The following NKAIN1 variants were observed in gnomAD, a reference collection of about 807,000 sequenced individuals.
The protein encoded by NKAIN1 is sodium/potassium transporting ATPase interacting 1.
Under a neutral mutation model 31.6 loss-of-function variants are expected in NKAIN1, and 13 were observed. The observed-to-expected ratio is 0.41, with a 90% confidence interval of 0.27 to 0.65. NKAIN1 has a LOEUF of 0.65. Ranked by LOEUF, NKAIN1 falls within the 30% of genes least tolerant of loss-of-function variation. NKAIN1 has a pLI of 0.30. For synonymous variants in NKAIN1, 104 were observed against 109.0 expected, an observed-to-expected ratio of 0.95 and a Z score of 0.28; for missense variants, 193 against 262.2, an observed-to-expected ratio of 0.74 and a Z score of 1.82.
chr1:31,205,402 G>A lies in NKAIN1; in HGVS notation c.55-17215C>T, dbSNP rs141425630. 4.0e-3 allele frequency among the ~76,000 whole-genome samples: 607 copies of A among 152,114 alleles called. 3 individuals are homozygous for A. The highest frequency in any genetic ancestry group is 0.014 in the African/African-American group (577 of 41,498). ...CGGCTTACCACAACTTCTGCCTTCT[G>A]GGTTCAAGCCGTTCTCCTGCTTTAG... is the stretch of plus-strand genomic sequence containing the variant. On this transcript the variant is annotated intron_variant, in intron 1 of 6. Transcript: ENST00000373736.
intron 1 of NKAIN1, among the ~76,000 whole-genome samples, chr1:31,224,002 C>T (rs1354947319): frequency 6.6e-6 from 1 of 152,228 alleles, no homozygotes; most frequent in Non-Finnish European, 1.5e-5. Flanking sequence ...TCTACTCTAA[C>T]TCAGTATGCA....
intron 1 of NKAIN1, among the ~76,000 whole-genome samples, chr1:31,204,524 G>A (rs960018455): frequency 8.5e-5 from 13 of 152,152 alleles, no homozygotes; most frequent in Admixed American, 2.0e-4. Context: ...GCTCTGGAGT[G>A]GGCAGCCAAG....
At chr1:31,237,188 C>A (rs1480643876) in intron 1 of NKAIN1, among the ~76,000 whole-genome samples, 1 of 152,158 alleles carries the variant, frequency 6.6e-6, no homozygotes, top group Admixed American at 6.5e-5. Flanking sequence ...GAGGTCAAGG[C>A]TGTAGTGAGC....
At chr1:31,189,079 A>C (rs1645266718) in intron 1 of NKAIN1, among the ~76,000 whole-genome samples, 1 of 151,972 alleles carries the variant, frequency 6.6e-6, no homozygotes, top group Non-Finnish European at 1.5e-5. Context: ...CACTTATAAC[A>C]AGACCACCTT....
chr1:31,194,168 C>T (rs1010437538), intron 1 of NKAIN1, among the ~76,000 whole-genome samples: 3 of 152,126 alleles, frequency 2.0e-5, no homozygotes, highest in African/African-American at 4.8e-5. Flanking sequence ...AAATACAAAT[C>T]TCATCCCAGC....
chr1:31,219,728 C>T (rs2148363143), intron 1 of NKAIN1, among the ~76,000 whole-genome samples: 1 of 152,306 alleles, frequency 6.6e-6, no homozygotes, highest in East Asian at 1.9e-4. Flanking sequence ...TGCCTAGACT[C>T]CAGGAGTAGC....
chr1:31,193,492 C>T (rs921172565), intron 1 of NKAIN1, among the ~76,000 whole-genome samples: 4 of 151,878 alleles, frequency 2.6e-5, no homozygotes, highest in Admixed American at 6.6e-5. Context: ...GTCAGGAGTT[C>T]GAGATCAGCC....
At chr1:31,215,527 C>T (rs183421626) in intron 1 of NKAIN1, among the ~76,000 whole-genome samples, 1 of 152,314 alleles carries the variant, frequency 6.6e-6, no homozygotes, top group Admixed American at 6.5e-5. Context: ...TGGTGTCCTT[C>T]CCTGGCACTG....
In NKAIN1 at chr1:31,183,429, A is replaced by G. The variant is rs565252101; in HGVS notation, c.471+388T>C. 2.0e-3 allele frequency among the ~76,000 whole-genome samples: 239 copies of G among 119,932 alleles called. 2 individuals are homozygous for G. Among genetic ancestry groups the G allele is most frequent in the African/African-American group, 8.7e-3 (231 of 26,686 alleles). 78.7% of individuals were successfully genotyped at this position (119,932 alleles called of 152,430 possible). On this transcript the variant is annotated intron_variant, in intron 4 of 6. Coordinates refer to ENST00000373736, the MANE Select transcript of NKAIN1 (RefSeq NM_024522.3). The stretch of plus-strand genomic sequence containing the variant: ...ACAGACAGGCGGAAGACCTAGGTTC[A>G]TTCCCTCTTTTTTTTTTTTTTTTTT...
chr1:31,227,639 G>C (rs570975579), intron 1 of NKAIN1, among the ~76,000 whole-genome samples: 1 of 132,230 alleles, frequency 7.6e-6, no homozygotes, highest in East Asian at 2.3e-4. Flanking sequence ...AGAGGGCCAA[G>C]GACTTGCCCA....
At chr1:31,185,383 T>G in intron 2 of NKAIN1, 56 bp from the exon 3 acceptor site, 1 of 1,402,384 alleles carries the variant, frequency 7.1e-7, no homozygotes, top group South Asian at 1.2e-5. Context: ...GGATGGGGAG[T>G]GTCAATGGAG....
At chr1:31,215,654 G>A (rs1645506347) in intron 1 of NKAIN1, among the ~76,000 whole-genome samples, 1 of 152,078 alleles carries the variant, frequency 6.6e-6, no homozygotes, top group Non-Finnish European at 1.5e-5. Context: ...CCCTTTCCTG[G>A]TAATCCATCG....
At chr1:31,220,874 C>T (rs1645559828) in intron 1 of NKAIN1, among the ~76,000 whole-genome samples, 1 of 151,730 alleles carries the variant, frequency 6.6e-6, no homozygotes, top group Non-Finnish European at 1.5e-5. Flanking sequence ...TTCATTCAAG[C>T]ATCACACATT....
At chr1:31,194,598 G>A (rs1161700054) in intron 1 of NKAIN1, among the ~76,000 whole-genome samples, 5 of 150,954 alleles carry the variant, frequency 3.3e-5, no homozygotes, top group African/African-American at 1.2e-4. Flanking sequence ...GTAGAGACGG[G>A]GTTTCTCCAT....
chr1:31,198,918 C>A (rs1214431881), intron 1 of NKAIN1, among the ~76,000 whole-genome samples: 1 of 152,180 alleles, frequency 6.6e-6, no homozygotes, highest in Non-Finnish European at 1.5e-5. Context: ...ATGGGCCCAC[C>A]CTAGCTCCAG....
chr1:31,182,662 T>C (rs1349382616), intron 4 of NKAIN1, 72 bp from the exon 5 acceptor site: 1 of 1,551,350 alleles, frequency 6.4e-7, no homozygotes, highest in African/African-American at 1.4e-5. Flanking sequence ...TGCCGGGCCC[T>C]GTACGCTCTG....
chr1:31,223,493 G>C (rs1645579575), intron 1 of NKAIN1, among the ~76,000 whole-genome samples: 1 of 151,990 alleles, frequency 6.6e-6, no homozygotes, highest in Non-Finnish European at 1.5e-5. Context: ...CAGGCTGGAT[G>C]GAGTGCAGTG....
At position 31,197,007 on chromosome 1, in the gene NKAIN1, A is replaced by G. The variant is rs140781968; in HGVS notation, c.55-8820T>C. On this transcript the variant is annotated intron_variant, in intron 1 of 6. Coordinates refer to ENST00000373736, the MANE Select transcript of NKAIN1 (RefSeq NM_024522.3). ...ACAGTATCTTCCTCATAGGGTTGCA[A>G]GAAGAGTCAGTATTATTTAAAATTA... Among the ~76,000 whole-genome samples, 277 of 152,226 alleles carry G rather than the reference A, an allele frequency of 1.8e-3. 2 individuals are homozygous for G. Among genetic ancestry groups the G allele is most frequent in the African/African-American group, 6.2e-3 (257 of 41,560 alleles).
intron 3 of NKAIN1, 110 bp downstream of exon 3, chr1:31,185,137 G>A (rs1050777632): frequency 1.0e-4 from 86 of 821,722 alleles, no homozygotes; most frequent in Non-Finnish European, 1.5e-4. Context: ...TGTAAGGAGA[G>A]AGAGACTTCT....
Sources: gnomAD v4.1 joint callset for allele counts (sites outside exome capture counted in the v4.1 genomes callset) on GRCh38, gnomAD v4.1.1 for gene constraint, MANE v1.5 for transcripts, NCBI Gene and HGNC (gene_info 2026-07-23, HGNC 2026-07-21) for gene names.